RAF1: variants seen among roughly 807,000 people sequenced by gnomAD.
RAF1 encodes the protein RAF proto-oncogene serine/threonine-protein kinase.
In RAF1, 27 loss-of-function variants were observed where a neutral mutation model predicts 81.1. The observed-to-expected ratio is 0.33, with a 90% confidence interval of 0.25 to 0.46. The LOEUF is 0.46. Ranked by LOEUF, RAF1 falls within the 20% of genes least tolerant of loss-of-function variation. The pLI, the probability that RAF1 is intolerant of heterozygous loss-of-function variation, is 1.00. For synonymous variants in RAF1, 298 were observed against 294.0 expected (o/e 1.01, Z -0.14); for missense variants, 598 against 826.0 (o/e 0.72, Z 3.38).
At chr3:12,602,289 A>C (rs1238711320) in intron 8 of RAF1, among the ~76,000 whole-genome samples, 1 of 152,224 alleles carries the variant, frequency 6.6e-6, no homozygotes, top group Admixed American at 6.5e-5. Flanking sequence ...AAAAATGCTG[A>C]CTTATATGTG....
chr3:12,639,147 A>G (rs1399461962), intron 1 of RAF1, among the ~76,000 whole-genome samples: 1 of 152,184 alleles, frequency 6.6e-6, no homozygotes, highest in East Asian at 1.9e-4. Flanking sequence ...TAGATGCAGA[A>G]AAGGCCTTCA....
chr3:12,641,986 A>C lies in RAF1; in HGVS notation c.-27+21827T>G, dbSNP rs545154337. On this transcript the variant is annotated intron_variant, in intron 1 of 17. Transcript: ENST00000442415. ...CATGGTGAAACCCTGTCTCTACTAA[A>C]AACACAAAAAAATTAGCTGGGCATA... 4.0e-4 allele frequency among the ~76,000 whole-genome samples: 61 copies of C among 152,024 alleles called. 1 individual carries two copies. Among genetic ancestry groups the C allele is most frequent in the African/African-American group, 1.5e-3 (61 of 41,452 alleles).
chr3:12,656,142 A>C (rs750168739), intron 1 of RAF1, among the ~76,000 whole-genome samples: 2 of 146,288 alleles, frequency 1.4e-5, no homozygotes, highest in Non-Finnish European at 3.0e-5. Context: ...ATACTAGATA[A>C]TACTAGCCAG....
intron 11 of RAF1, among the ~76,000 whole-genome samples, chr3:12,596,018 G>T (rs1263868692): frequency 6.6e-6 from 1 of 151,124 alleles, no homozygotes; most frequent in Admixed American, 6.6e-5. Context: ...GGGGACAACA[G>T]ACACACAGCA....
At chr3:12,587,548 T>C (rs1229466699) in intron 14 of RAF1, 43 bp downstream of exon 13, 2 of 1,556,124 alleles carry the variant, frequency 1.3e-6, no homozygotes. Context: ...TTTCCCTAAA[T>C]TTAGAACCGA....
intron 1 of RAF1, among the ~76,000 whole-genome samples, chr3:12,647,624 A>C (rs1258919729): frequency 6.6e-6 from 1 of 152,162 alleles, no homozygotes; most frequent in African/African-American, 2.4e-5. Flanking sequence ...AAAACAAATA[A>C]ATAAATTTTA....
At chr3:12,621,972 C>A (rs1039898451) in intron 1 of RAF1, among the ~76,000 whole-genome samples, 1 of 152,128 alleles carries the variant, frequency 6.6e-6, no homozygotes, top group African/African-American at 2.4e-5. Context: ...ACATTACTTA[C>A]TTTTTGTTTT....
chr3:12,637,390 C>T (rs1458242069), intron 1 of RAF1, among the ~76,000 whole-genome samples: 4 of 151,762 alleles, frequency 2.6e-5, no homozygotes, highest in African/African-American at 9.7e-5. Flanking sequence ...CCCAGCCTCC[C>T]CAGTAGCGGG....
chr3:12,658,827 T>C lies in RAF1; in HGVS notation c.-27+4986A>G, dbSNP rs572116687. ...AATGCTATGTACACTGATTGGAATG[T>C]GATGCCAATTAACATACTTTGTGAG... On this transcript the variant is annotated intron_variant, in intron 1 of 17. Transcript: ENST00000442415. Among the ~76,000 whole-genome samples the C allele has an allele frequency of 3.9e-5, 6 of 152,302 alleles. No individual in the cohort carries two copies. The South Asian group carries it at 1.2e-3, about 32-fold the overall frequency.
intron 13 of RAF1, chr3:12,588,398 A>T (rs1457463310): frequency 1.3e-5 from 2 of 152,200 alleles, no homozygotes; most frequent in Non-Finnish European, 2.9e-5. Flanking sequence ...TCATGCACAC[A>T]TCATAAAGTG....
chr3:12,593,800 T>TC (rs1559411932), intron 11 of RAF1, among the ~76,000 whole-genome samples: 2 of 149,684 alleles, frequency 1.3e-5, no homozygotes, highest in Non-Finnish European at 3.0e-5. Context: ...TTTTTTTTTT[T>TC]TTTTTCTTTT....
chr3:12,599,805 G>T lies in RAF1; in HGVS notation c.1054C>A (p.Pro352Thr). 2 of 1,611,264 alleles carry T rather than the reference G, an allele frequency of 1.2e-6. No homozygotes were observed. Among genetic ancestry groups the T allele is most frequent in the African/African-American group, 2.7e-5 (2 of 74,944 alleles). The change falls in exon 11 of 18, where the codon CCT (proline) becomes ACT (threonine). Residue 352 changes from proline (P) to threonine (T), a missense_variant. By Grantham distance (38) the Pro-to-Thr change is conservative. Transcript: ENST00000442415. ...TAGCTTGAATCTCTCTGTCCACGAG[G>T]CCTCTGAAACAAGTAGAGATCATTA...
At chr3:12,596,999 C>T (rs1175970751) in intron 11 of RAF1, among the ~76,000 whole-genome samples, 4 of 151,760 alleles carry the variant, frequency 2.6e-5, no homozygotes, top group South Asian at 2.1e-4. Flanking sequence ...CCCGGGTTCA[C>T]GCCATTCTCC....
At chr3:12,590,506 G>C (rs976158439) in intron 13 of RAF1, 1 of 408,534 alleles carries the variant, frequency 2.4e-6, no homozygotes, top group Non-Finnish European at 4.6e-6. Flanking sequence ...TGTATTTTCA[G>C]TAGAAACAGG....
intron 1 of RAF1, among the ~76,000 whole-genome samples, chr3:12,624,278 C>T (rs1559455470): frequency 6.6e-6 from 1 of 152,176 alleles, no homozygotes; most frequent in African/African-American, 2.4e-5. Context: ...AGAGGTACAA[C>T]TCTAACCTGT....
intron 1 of RAF1, among the ~76,000 whole-genome samples, chr3:12,656,164 T>G (rs890176433): frequency 1.4e-5 from 2 of 146,876 alleles, no homozygotes; most frequent in Non-Finnish European, 3.0e-5. Flanking sequence ...GAAATCACAA[T>G]CTCTCCTCTC....
At chr3:12,615,202 C>A (rs954512650) in intron 2 of RAF1, among the ~76,000 whole-genome samples, 1 of 152,154 alleles carries the variant, frequency 6.6e-6, no homozygotes, top group African/African-American at 2.4e-5. Context: ...TAGTGGTCCT[C>A]GGCTCCAGTC....
intron 1 of RAF1, among the ~76,000 whole-genome samples, chr3:12,633,889 T>G (rs1227005523): frequency 6.7e-5 from 10 of 148,212 alleles, no homozygotes; most frequent in Non-Finnish European, 1.5e-5. Context: ...GAGCCAAGAT[T>G]GTGCCATTGC....
At chr3:12,608,616 A>C (rs1252474496) in intron 5 of RAF1, 150 bp downstream of exon 5, 2 of 910,030 alleles carry the variant, frequency 2.2e-6, no homozygotes, top group Non-Finnish European at 3.5e-6. Flanking sequence ...TAGTTTCAGA[A>C]TTATCACTGT....
Sources: gnomAD v4.1 joint callset for allele counts (sites outside exome capture counted in the v4.1 genomes callset) on GRCh38, gnomAD v4.1.1 for gene constraint, MANE v1.5 for transcripts, NCBI Gene and HGNC (gene_info 2026-07-23, HGNC 2026-07-21) for gene names.